GPC6: variants seen among roughly 807,000 people sequenced by gnomAD.
GPC6 encodes the protein glypican 6, also known as glypican-6.
In GPC6, 14 loss-of-function variants were observed where a neutral mutation model predicts 55.2. The observed-to-expected ratio is 0.25, with a 90% CI of 0.17 to 0.40. The LOEUF (loss-of-function observed/expected upper bound fraction) is 0.40, where lower values mean the gene tolerates loss of function less well. Ranked by LOEUF, GPC6 falls within the 10% of genes least tolerant of loss-of-function variation. The probability of loss-of-function intolerance (pLI) is 1.00; values close to 1 mark genes in which losing one functional copy is unlikely to be tolerated. For synonymous variants in GPC6, 278 were observed against 259.6 expected, an observed-to-expected ratio of 1.07 and a Z score of -0.68; for missense variants, 641 against 708.5, an observed-to-expected ratio of 0.90 and a Z score of 1.08.
intron 3 of GPC6, among the ~76,000 whole-genome samples, chr13:94,009,941 T>A (rs1408410499): frequency 6.6e-6 from 1 of 152,176 alleles, no homozygotes; most frequent in Non-Finnish European, 1.5e-5. Context: ...GGAGTTGTTA[T>A]TACATATTTT....
intron 4 of GPC6, among the ~76,000 whole-genome samples, chr13:94,272,702 T>C (rs1892082098): frequency 6.6e-6 from 1 of 151,964 alleles, no homozygotes; most frequent in Non-Finnish European, 1.5e-5. Flanking sequence ...TTTCCTGACC[T>C]CATAATCCGC....
intron 4 of GPC6, among the ~76,000 whole-genome samples, chr13:94,251,562 T>C (rs1281992752): frequency 1.3e-5 from 2 of 151,938 alleles, no homozygotes; most frequent in East Asian, 3.9e-4. Context: ...AAAAGTGAAA[T>C]TGTTTTTCAC....
chr13:94,105,815 C>G (rs909635320), intron 4 of GPC6, among the ~76,000 whole-genome samples: 4 of 152,168 alleles, frequency 2.6e-5, no homozygotes, highest in Admixed American at 2.6e-4. Context: ...CCCCTAGGAA[C>G]ATTCAGCAAT....
chr13:94,126,661 T>C (rs1886828415), intron 4 of GPC6, among the ~76,000 whole-genome samples: 1 of 152,136 alleles, frequency 6.6e-6, no homozygotes, highest in Non-Finnish European at 1.5e-5. Context: ...GAGAAATAAG[T>C]AACAGGGGTA....
At chr13:94,019,587 A>G (rs1882619247) in intron 3 of GPC6, among the ~76,000 whole-genome samples, 1 of 152,036 alleles carries the variant, frequency 6.6e-6, no homozygotes, top group African/African-American at 2.4e-5. Flanking sequence ...CACTGCCTCA[A>G]TCTTCACATC....
intron 1 of GPC6, among the ~76,000 whole-genome samples, chr13:93,492,764 C>T (rs1222453833): frequency 6.6e-6 from 1 of 150,786 alleles, no homozygotes; most frequent in East Asian, 1.9e-4. Context: ...GCTTTTTCTG[C>T]ATCTATTGAG....
At position 94,083,322 on chromosome 13, in the gene GPC6, G is replaced by A. The variant is rs990146449; in HGVS notation, c.877+55428G>A. On this transcript the variant is annotated intron_variant, in intron 4 of 8. Coordinates refer to ENST00000377047, the MANE Select transcript of GPC6 (RefSeq NM_005708.5). ...TTAAATAGAGATGGGGTTTCACCGT[G>A]TTAGCCAGGATGGTCTCGATCTCCT... Among the ~76,000 whole-genome samples, 20 of 152,122 alleles carry A rather than the reference G, an allele frequency of 1.3e-4. 1 individual carries two copies. The highest frequency in any genetic ancestry group is 2.9e-4 in the Non-Finnish European group (20 of 68,032).
chr13:93,950,787 G>A (rs537608348), intron 3 of GPC6, among the ~76,000 whole-genome samples: 75 of 152,128 alleles, frequency 4.9e-4, no homozygotes, highest in African/African-American at 1.2e-3. Flanking sequence ...TTCTGAGGCT[G>A]GGAAATTTCT....
intron 3 of GPC6, among the ~76,000 whole-genome samples, chr13:93,945,237 T>A (rs149686369): frequency 6.6e-6 from 1 of 152,326 alleles, no homozygotes; most frequent in East Asian, 1.9e-4. Context: ...AATAATATAA[T>A]GTAAAATACT....
intron 4 of GPC6, among the ~76,000 whole-genome samples, chr13:94,170,129 G>A (rs748286124): frequency 1.3e-5 from 2 of 152,130 alleles, no homozygotes; most frequent in Non-Finnish European, 2.9e-5. Context: ...AAGAAATAAT[G>A]AGTGCTCTGA....
At chr13:93,452,701 C>T (rs1287415166) in intron 1 of GPC6, among the ~76,000 whole-genome samples, 2 of 152,100 alleles carry the variant, frequency 1.3e-5, no homozygotes, top group African/African-American at 4.8e-5. Context: ...AAAATTTGAA[C>T]AACTAAGACA....
At chr13:93,448,009 A>G (rs1408869698) in intron 1 of GPC6, among the ~76,000 whole-genome samples, 1 of 152,156 alleles carries the variant, frequency 6.6e-6, no homozygotes, top group Non-Finnish European at 1.5e-5. Context: ...CTTGTACATG[A>G]TTCTGCACAT....
chr13:93,959,578 C>T (rs1687027978), intron 3 of GPC6, among the ~76,000 whole-genome samples: 1 of 152,170 alleles, frequency 6.6e-6, no homozygotes, highest in South Asian at 2.1e-4. Context: ...ATTATCTGAT[C>T]TAATATTCAG....
chr13:94,048,499 TC>T (rs1883811998), intron 4 of GPC6, among the ~76,000 whole-genome samples: 1 of 152,008 alleles, frequency 6.6e-6, no homozygotes. Flanking sequence ...GCCATTTGCT[TC>T]CTTGCTGTGA....
intron 3 of GPC6, among the ~76,000 whole-genome samples, chr13:94,005,097 G>A (rs1313315433): frequency 2.6e-5 from 4 of 151,978 alleles, no homozygotes; most frequent in Non-Finnish European, 5.9e-5. Context: ...TGGACATCAG[G>A]TACACATGGA....
chr13:93,695,129 A>C (rs9524172), intron 2 of GPC6, among the ~76,000 whole-genome samples: 70,165 of 151,908 alleles, frequency 0.46, 18,477 homozygotes, highest in Middle Eastern at 0.74. Context: ...TAAATAAATA[A>C]AATTTTATGA....
intron 1 of GPC6, among the ~76,000 whole-genome samples, chr13:93,464,592 C>T (rs567368340): frequency 2.0e-5 from 3 of 152,326 alleles, no homozygotes; most frequent in Admixed American, 6.5e-5. Context: ...TCAGTCTCCA[C>T]TTCTATTTCT....
At chr13:93,451,458 G>A (rs1476524558) in intron 1 of GPC6, among the ~76,000 whole-genome samples, 1 of 152,178 alleles carries the variant, frequency 6.6e-6, no homozygotes, top group African/African-American at 2.4e-5. Context: ...TAAATGGTTG[G>A]GGGAGGGGAA....
intron 4 of GPC6, among the ~76,000 whole-genome samples, chr13:94,179,970 A>T (rs545383560): frequency 6.6e-6 from 1 of 152,308 alleles, no homozygotes; most frequent in South Asian, 2.1e-4. Flanking sequence ...GGTGCTTACC[A>T]TCCTAATAGG....
Sources: allele counts gnomAD v4.1 joint callset (sites outside exome capture counted in the v4.1 genomes callset), GRCh38; gene constraint gnomAD v4.1.1; transcripts MANE v1.5; gene names NCBI Gene and HGNC (gene_info 2026-07-23, HGNC 2026-07-21).